The following CASKIN2 variants were observed in gnomAD, a reference collection of about 807,000 sequenced individuals.
CASKIN2 encodes caskin-2.
Under a neutral mutation model 107.1 loss-of-function variants are expected in CASKIN2, and 41 were observed. The observed-to-expected ratio is 0.38, with a 90% CI of 0.30 to 0.50. The LOEUF (loss-of-function observed/expected upper bound fraction) is 0.50. CASKIN2 is among the 20% of genes least tolerant of loss of function. CASKIN2 has a pLI of 0.92. For missense variants in CASKIN2, 1,546 were observed against 1,657.4 expected (o/e 0.93, Z 1.17); for synonymous variants, 724 against 705.6 (o/e 1.03, Z -0.41).
At chr17:75,512,831 C>A (rs1179349807) in intron 2 of CASKIN2, among the ~76,000 whole-genome samples, 1 of 150,682 alleles carries the variant, frequency 6.6e-6, no homozygotes, top group East Asian at 1.9e-4. Flanking sequence ...ACCCGGGAGG[C>A]AGAGGCTGCA....
At position 75,507,104 on chromosome 17, in the gene CASKIN2, G is replaced by T; in HGVS notation, c.270C>A (p.Ala90=). Residue 90 remains alanine, a synonymous_variant, in exon 5 of 20, where the codon GCC becomes GCA. Transcript: ENST00000321617. Reference sequence around the variant, plus strand: ...TCACAGGCTCCAGCCGGCCCTGCCAGGCTGCGTAGTGCAGCGGGCGCATGC... The same window carrying T: ...TCACAGGCTCCAGCCGGCCCTGCCATGCTGCGTAGTGCAGCGGGCGCATGC... ...SNGMRPLHYA[A]WQGRLEPVRL... is the part of the protein sequence containing the mutation. The T allele has an allele frequency of 1.2e-6, 2 of 1,610,714 alleles. No homozygotes were observed. Among genetic ancestry groups the T allele is most frequent in the Non-Finnish European group, 1.7e-6 (2 of 1,179,264 alleles).
In CASKIN2 at chr17:75,513,964, C is replaced by T. The variant is rs1260009425; in HGVS notation, c.-160G>A. ...CAGGCAGTGGGCTCCTCGTCAGGTA[C>T]TGAGGGATACTCCCAAAGGTGCTCC... On this transcript the variant is annotated 5_prime_UTR_variant, in exon 2 of 20. Coordinates refer to ENST00000321617, the MANE Select transcript of CASKIN2 (RefSeq NM_020753.5). 1 of 626,774 alleles carries T rather than the reference C, an allele frequency of 1.6e-6. No individual in the cohort carries two copies. Among genetic ancestry groups the T allele is most frequent in the African/African-American group, 1.8e-5 (1 of 55,080 alleles). The allele number at this position is 626,774 out of a possible 1,614,324, so 38.8% of individuals were successfully genotyped here.
intron 2 of CASKIN2, chr17:75,509,611 A>T (rs2053300204): frequency 1.0e-6 from 1 of 985,576 alleles, no homozygotes; most frequent in Admixed American, 6.1e-5. Context: ...TCCCCTTGGA[A>T]AGTCCTTGTC....
chr17:75,513,117 T>TAAA, intron 2 of CASKIN2, among the ~76,000 whole-genome samples: 1 of 152,100 alleles, frequency 6.6e-6, no homozygotes. Flanking sequence ...TGGGTCTGTT[T>TAAA]TGTTCACTAC....
chr17:75,506,642 G>A lies in CASKIN2; in HGVS notation c.558C>T (p.Asp186=). ...LLEGEAKDPC[D]PNYTTPLHLA... ...AGTGCAGGGGCGTGGTGTAGTTGGG[G>A]TCACACGGGTCTTTGGCCTCACCCT... The change falls in exon 7 of 20, where the codon GAC becomes GAT. Residue 186 remains aspartate, a synonymous_variant. Transcript: ENST00000321617. This position sits in a 1 kb window ranked among gnomAD's most constrained non-coding sequence, Gnocchi z 4.8. The A allele has an allele frequency of 4.3e-6, 7 of 1,613,294 alleles. No homozygotes were observed. The highest frequency in any genetic ancestry group is 5.9e-6 in the Non-Finnish European group (7 of 1,179,960).
rs879586734 is a variant in CASKIN2 at position 75,505,733 on chromosome 17, C to G, written c.836-82G>C. 5.1e-6 allele frequency: 8 copies of G among 1,556,046 alleles called. No individual in the cohort carries two copies. The Admixed American group carries it at 1.3e-4, about 26-fold the overall frequency. ...ACCCCTCATGCCCTTGACAACCCTC[C>G]CCCAGGGACGTCCACTCCCCCTCCA... On this transcript the variant is annotated intron_variant, in intron 9 of 19. Transcript: ENST00000321617. The surrounding 1 kb of genome is among the most constrained non-coding windows in gnomAD (Gnocchi z 5.1).
intron 12 of CASKIN2, 44 bp downstream of exon 12, chr17:75,504,528 G>T: frequency 6.3e-7 from 1 of 1,595,922 alleles, no homozygotes; most frequent in Non-Finnish European, 8.6e-7. Flanking sequence ...GGAACTGGCA[G>T]TGGGGAGTGA....
At position 75,504,922 on chromosome 17, in the gene CASKIN2, G is replaced by A. The variant is rs761674353; in HGVS notation, c.1082C>T (p.Thr361Ile). 3 of 1,608,896 alleles carry A rather than the reference G, an allele frequency of 1.9e-6. No individual in the cohort carries two copies. Among genetic ancestry groups the A allele is most frequent in the Middle Eastern group, 1.7e-4 (1 of 6,008 alleles). ...IPAARLPSAP[T>I]PLRPGFSRTP... ...CCGGGAGAAGCCTGGGCGCAGGGGG[G>A]TGGGTGCGGAGGGGAGGCGGGCTGC... The change falls in exon 11 of 20, where the codon ACC becomes ATC. Residue 361 changes from threonine to isoleucine, a missense_variant. Physicochemically the swap from Thr to Ile is moderately conservative, Grantham distance 89. This residue lies in a region of CASKIN2 where 1,311 missense variants were observed against 1,311.0 expected (regional missense o/e 1.00). Coordinates refer to ENST00000321617, the MANE Select transcript of CASKIN2 (RefSeq NM_020753.5).
intron 2 of CASKIN2, 59 bp from the exon 3 acceptor site, chr17:75,508,344 C>T: frequency 6.4e-7 from 1 of 1,558,500 alleles, no homozygotes; most frequent in Non-Finnish European, 8.8e-7. Flanking sequence ...CTCAGCATCC[C>T]TCCCCCCACC....
At chr17:75,510,439 T>C (rs2053307116) in intron 2 of CASKIN2, among the ~76,000 whole-genome samples, 1 of 152,166 alleles carries the variant, frequency 6.6e-6, no homozygotes, top group Non-Finnish European at 1.5e-5. Flanking sequence ...CAGTTTCCCT[T>C]GCCTTCTTAC....
At chr17:75,509,441 T>C (rs918390102) in intron 2 of CASKIN2, 2 of 389,366 alleles carry the variant, frequency 5.1e-6, no homozygotes, top group African/African-American at 4.4e-5. Flanking sequence ...GGGACCAACC[T>C]GGCAGTAGGG....
chr17:75,514,424 G>C (rs1347914987), intron 1 of CASKIN2, among the ~76,000 whole-genome samples: 15 of 152,266 alleles, frequency 9.9e-5, no homozygotes, highest in African/African-American at 3.6e-4. Flanking sequence ...CATTCTGGGA[G>C]GGGGAGGCTG....
intron 12 of CASKIN2, 23 bp from the exon 13 acceptor site, chr17:75,504,503 C>A: frequency 6.3e-7 from 1 of 1,598,276 alleles, no homozygotes; most frequent in Non-Finnish European, 8.6e-7. Flanking sequence ...GGGCAGGAGC[C>A]AACTCAGCAT....
chr17:75,512,383 A>G (rs1465456415), intron 2 of CASKIN2, among the ~76,000 whole-genome samples: 1 of 152,056 alleles, frequency 6.6e-6, no homozygotes, highest in African/African-American at 2.4e-5. Flanking sequence ...CCAGAGGTCT[A>G]TTCTCCCTGT....
At position 75,502,894 on chromosome 17, in the gene CASKIN2, G is replaced by C. The variant is rs140847529; in HGVS notation, c.2180C>G (p.Pro727Arg). ...GCCCTCTGGGAGGTTCCTCTCCTGG[G>C]GGGGGCTGGGATCTCCACCGCTGGG... Reference protein sequence around the residue: ...PQPSGGDPSPPQERNLPEGTE... With the variant: ...PQPSGGDPSPRQERNLPEGTE... Residue 727 changes from proline (P) to arginine (R), a missense_variant, in exon 18 of 20, where the codon CCC (proline) becomes CGC (arginine). By Grantham distance (103) the Pro-to-Arg change is moderately radical (BLOSUM62 -2). This residue lies in a region of CASKIN2 where 1,311 missense variants were observed against 1,311.0 expected (regional missense o/e 1.00). Transcript: ENST00000321617. The surrounding 1 kb of genome is among the most constrained non-coding windows in gnomAD (Gnocchi z 4.3). The C allele has an allele frequency of 4.5e-4, 690 of 1,544,942 alleles. 1 individual carries two copies. The African/African-American group carries it at 6.8e-3, about 15-fold the overall frequency.
At position 75,503,847 on chromosome 17, in the gene CASKIN2, C is replaced by T. The variant is rs373539830; in HGVS notation, c.1578+5G>A. On this transcript the variant is annotated splice_donor_5th_base_variant and intron_variant, in intron 15 of 19. Coordinates refer to ENST00000321617, the MANE Select transcript of CASKIN2 (RefSeq NM_020753.5). ...TGGGTGCTGCTTCCCGGCTGCAGCA[C>T]CCACCTCAGGTGTCATGCGGCTGAT... is the stretch of plus-strand genomic sequence containing the variant. 1.1e-5 allele frequency: 18 copies of T among 1,612,370 alleles called. No individual in the cohort carries two copies. The highest frequency in any genetic ancestry group is 1.4e-5 in the Non-Finnish European group (17 of 1,179,832).
At chr17:75,507,209 A>G (rs2053275203) in intron 4 of CASKIN2, 80 bp from the exon 5 acceptor site, 7 of 1,474,848 alleles carry the variant, frequency 4.7e-6, no homozygotes, top group Non-Finnish European at 6.3e-6. Context: ...GTACGGAGCC[A>G]GCCCAGCTGG....
chr17:75,514,809 C>G (rs1009464820), intron 1 of CASKIN2, among the ~76,000 whole-genome samples: 1 of 152,208 alleles, frequency 6.6e-6, no homozygotes, highest in African/African-American at 2.4e-5. Context: ...GTTGCTGACC[C>G]GCCCTCGCCC....
rs377204623 is a variant in CASKIN2 at position 75,503,467 on chromosome 17, T to C, written c.1741A>G (p.Ser581Gly). ...GLPQYHKQLV[S>G]SGYDSMGLVA... ...AGCCCCATGGAGTCGTAGCCGCTGC[T>C]CACCAGCTGCTTGTGGTACTGTGGC... Residue 581 changes from serine (S) to glycine (G), a missense_variant, in exon 17 of 20, where the codon AGC (serine) becomes GGC (glycine). By Grantham distance (56) the Ser-to-Gly change is moderately conservative. Transcript: ENST00000321617. The C allele has an allele frequency of 2.4e-5, 38 of 1,612,626 alleles. 2 individuals are homozygous for C. The highest frequency in any genetic ancestry group is 3.2e-5 in the Non-Finnish European group (38 of 1,179,934).
Sources: gnomAD v4.1 joint callset for allele counts (sites outside exome capture counted in the v4.1 genomes callset) on GRCh38, gnomAD v4.1.1 for gene constraint, gnomAD v4.1.1 regional missense constraint, Gnocchi (gnomAD v3.1) non-coding constraint, MANE v1.5 for transcripts, NCBI Gene and HGNC (gene_info 2026-07-23, HGNC 2026-07-21) for gene names.